The following DOCK8 variants were observed in gnomAD, a reference collection of about 807,000 sequenced individuals.
DOCK8 encodes dedicator of cytokinesis 8, also known as dedicator of cytokinesis protein 8.
In DOCK8, 141 loss-of-function variants were observed where a neutral mutation model predicts 245.6. The observed-to-expected ratio is 0.57, with a 90% confidence interval of 0.50 to 0.66. DOCK8 has a LOEUF of 0.66. DOCK8 is among the 30% of genes least tolerant of loss of function. The pLI is 0.00. For missense variants in DOCK8, 2,965 were observed against 2,603.4 expected, an observed-to-expected ratio of 1.14 and a Z score of -3.02; for synonymous variants, 1,168 against 970.2, an observed-to-expected ratio of 1.20 and a Z score of -3.79.
chr9:317,641 A>C (rs2050404759), intron 7 of DOCK8, among the ~76,000 whole-genome samples: 1 of 152,212 alleles, frequency 6.6e-6, no homozygotes, highest in African/African-American at 2.4e-5. Flanking sequence ...ACACAATGAT[A>C]AATGCAACTG....
At chr9:375,259 C>T (rs902538532) in intron 18 of DOCK8, among the ~76,000 whole-genome samples, 12 of 152,138 alleles carry the variant, frequency 7.9e-5, no homozygotes, top group Non-Finnish European at 1.2e-4. Flanking sequence ...CAAACCTAGG[C>T]GAGGCCCTCA....
chr9:435,126 A>G (rs1157799406), intron 39 of DOCK8, 151 bp downstream of exon 39: 3 of 876,880 alleles, frequency 3.4e-6, no homozygotes, highest in African/African-American at 1.7e-5. Flanking sequence ...TCTGACTGGT[A>G]GAAGCCAGGA....
chr9:453,214 G>T (rs952473979), intron 46 of DOCK8, among the ~76,000 whole-genome samples: 2 of 152,138 alleles, frequency 1.3e-5, no homozygotes, highest in African/African-American at 2.4e-5. Context: ...AATCACAGCC[G>T]CTTGGTAATA....
intron 7 of DOCK8, among the ~76,000 whole-genome samples, chr9:323,003 G>C (rs1176671481): frequency 2.7e-5 from 4 of 150,430 alleles, no homozygotes; most frequent in African/African-American, 4.9e-5. Flanking sequence ...TGAGGCCGAA[G>C]AATCGCTTGA....
rs1554708023 is a variant in DOCK8 at position 439,327 on chromosome 9, A to G, written c.5162A>G (p.Gln1721Arg). The G allele has an allele frequency of 6.2e-7, 1 of 1,614,138 alleles. No homozygotes were observed. The highest frequency in any genetic ancestry group is 8.5e-7 in the Non-Finnish European group (1 of 1,180,020). ...GACGAGGATGGGGTGTGCGCAGGCC[A>G]GTACTTCACCGAGAGTGGCCTGGTA... is the stretch of plus-strand genomic sequence containing the variant. Reference protein sequence around the residue: ...SPDEDGVCAGQYFTESGLVGL... With the variant: ...SPDEDGVCAGRYFTESGLVGL... The change falls in exon 40 of 48, where the codon CAG (glutamine) becomes CGG (arginine). Residue 1721 changes from glutamine to arginine, a missense_variant. Coordinates refer to ENST00000432829, the MANE Select transcript of DOCK8 (RefSeq NM_203447.4).
intron 2 of DOCK8, among the ~76,000 whole-genome samples, chr9:274,159 A>G (rs1470077095): frequency 6.6e-6 from 1 of 152,216 alleles, no homozygotes; most frequent in African/African-American, 2.4e-5. Flanking sequence ...GTGAATTTTG[A>G]TGAATTACTA....
At chr9:346,715 C>T (rs572015613) in intron 14 of DOCK8, among the ~76,000 whole-genome samples, 3 of 152,246 alleles carry the variant, frequency 2.0e-5, no homozygotes, top group South Asian at 4.1e-4. Flanking sequence ...TCTGGCCTAA[C>T]GGGGATGTGC....
intron 1 of DOCK8, among the ~76,000 whole-genome samples, chr9:266,271 A>C (rs1034585071): frequency 2.0e-5 from 3 of 152,162 alleles, no homozygotes; most frequent in African/African-American, 7.2e-5. Flanking sequence ...TGTAAGTATT[A>C]AATTATTCAT....
chr9:215,239 C>T (rs1264005096), intron 1 of DOCK8: 2 of 1,581,798 alleles, frequency 1.3e-6, no homozygotes, highest in Non-Finnish European at 1.7e-6. Context: ...GAGGTCCTCC[C>T]CAAGAATCTC....
intron 1 of DOCK8, among the ~76,000 whole-genome samples, chr9:258,307 A>G (rs1333139925): frequency 6.6e-6 from 1 of 151,996 alleles, no homozygotes; most frequent in African/African-American, 2.4e-5. Context: ...TCTGAAAATA[A>G]ATAGCACCAT....
At chr9:316,663 T>C (rs16924024) in intron 6 of DOCK8, among the ~76,000 whole-genome samples, 35,414 of 152,102 alleles carry the variant, frequency 0.23, 4,474 homozygotes, top group African/African-American at 0.26. Context: ...GTAAAGCCCT[T>C]GACAGGAGAA....
intron 2 of DOCK8, among the ~76,000 whole-genome samples, chr9:285,572 C>A (rs888784342): frequency 1.3e-5 from 2 of 152,122 alleles, no homozygotes; most frequent in African/African-American, 4.8e-5. Context: ...CTAAGGGATT[C>A]TTTTACTTTC....
chr9:215,252 T>A, intron 1 of DOCK8: 1 of 1,594,634 alleles, frequency 6.3e-7, no homozygotes, highest in Non-Finnish European at 8.5e-7. Context: ...AGAATCTCGG[T>A]GCTCCTGGAT....
intron 2 of DOCK8, among the ~76,000 whole-genome samples, chr9:277,813 A>G (rs2048420159): frequency 6.6e-6 from 1 of 152,188 alleles, no homozygotes; most frequent in South Asian, 2.1e-4. Context: ...GTTACATGGC[A>G]TGTTTGTATA....
chr9:309,637 G>A (rs1189185079), intron 5 of DOCK8, among the ~76,000 whole-genome samples: 2 of 152,288 alleles, frequency 1.3e-5, no homozygotes, highest in Non-Finnish European at 2.9e-5. Flanking sequence ...GCACACCGCA[G>A]CCAAAAGTGG....
chr9:314,767 C>A lies in DOCK8; in HGVS notation c.742-2276C>A, dbSNP rs1178935711. Among the ~76,000 whole-genome samples the A allele has an allele frequency of 2.0e-5, 3 of 152,068 alleles. No individual in the cohort carries two copies. In the East Asian group the frequency reaches 5.8e-4, roughly 29 times the overall value. On this transcript the variant is annotated intron_variant, in intron 6 of 47. Transcript: ENST00000432829. ...AAAGGTAAATTTCTGCCTACTCTGA[C>A]ATGATTACAAATGCTGGTTTTTTCG...
At chr9:271,248 G>A (rs1445278435) in intron 1 of DOCK8, among the ~76,000 whole-genome samples, 6 of 152,206 alleles carry the variant, frequency 3.9e-5, no homozygotes, top group Non-Finnish European at 8.8e-5. Context: ...GATCAAAATG[G>A]CAGCTCAGGA....
At chr9:450,892 A>G (rs765657252) in intron 45 of DOCK8, among the ~76,000 whole-genome samples, 11 of 151,672 alleles carry the variant, frequency 7.3e-5, no homozygotes, top group Non-Finnish European at 1.3e-4. Flanking sequence ...AGATAAGTGA[A>G]CAAAAATGAA....
At chr9:330,317 T>C (rs757671841) in intron 9 of DOCK8, among the ~76,000 whole-genome samples, 2 of 152,190 alleles carry the variant, frequency 1.3e-5, no homozygotes, top group Non-Finnish European at 2.9e-5. Context: ...ATTTAAATAT[T>C]TCATAAGTTG....
Sources: allele counts gnomAD v4.1 joint callset (sites outside exome capture counted in the v4.1 genomes callset), GRCh38; gene constraint gnomAD v4.1.1; transcripts MANE v1.5; gene names NCBI Gene and HGNC (gene_info 2026-07-23, HGNC 2026-07-21).